CTBP2: variants seen among roughly 807,000 people sequenced by gnomAD.
The protein encoded by CTBP2 is C-terminal-binding protein 2.
CTBP2 carries 30 observed loss-of-function variants against 80.3 expected under a neutral mutation model. That is an observed-to-expected ratio of 0.37 (90% CI 0.28 to 0.51). CTBP2 has a LOEUF of 0.51. Among genes scored for constraint, CTBP2 ranks in the 20% least tolerant of loss-of-function variants. The pLI, the probability that CTBP2 is intolerant of heterozygous loss-of-function variation, is 0.93. For synonymous variants in CTBP2, 594 were observed against 587.4 expected (o/e 1.01, Z -0.16); for missense variants, 1,212 against 1,375.3 (o/e 0.88, Z 1.88).
chr10:125,021,355 C>A (rs1957020393), intron 1 of CTBP2, among the ~76,000 whole-genome samples: 1 of 152,194 alleles, frequency 6.6e-6, no homozygotes, highest in African/African-American at 2.4e-5. Context: ...CTTGCCCAAA[C>A]ACAAAGCAGG....
intron 2 of CTBP2, among the ~76,000 whole-genome samples, chr10:125,093,782 C>A (rs541501087): frequency 6.6e-6 from 1 of 152,186 alleles, no homozygotes; most frequent in African/African-American, 2.4e-5. Flanking sequence ...ACAGAACGCG[C>A]GCAACCGTGG....
chr10:125,147,442 T>C (rs1210007843), intron 1 of CTBP2, among the ~76,000 whole-genome samples: 1 of 152,186 alleles, frequency 6.6e-6, no homozygotes, highest in African/African-American at 2.4e-5. Context: ...TAATACGTAG[T>C]AACATCCCAC....
intron 2 of CTBP2, among the ~76,000 whole-genome samples, chr10:125,109,900 G>C (rs1215687658): frequency 6.6e-6 from 1 of 152,252 alleles, no homozygotes; most frequent in African/African-American, 2.4e-5. Flanking sequence ...GTCTGGGTCA[G>C]CTACCTCAGT....
intron 1 of CTBP2, among the ~76,000 whole-genome samples, chr10:125,023,675 A>G (rs1464158725): frequency 2.6e-5 from 4 of 152,218 alleles, no homozygotes; most frequent in Admixed American, 2.6e-4. Flanking sequence ...GTCACTCTGG[A>G]CTGCTTGGCC....
rs375200774 is a variant in CTBP2, at chr10:124,993,337, A to G, written c.2532-8T>C. ...AACGGACCCTGAGCAAAGCTAGAAA[A>G]ATGTAGAAAAAACAGAGTAAGCGGG... On this transcript the variant is annotated splice_polypyrimidine_tract_variant and splice_region_variant and intron_variant, in intron 6 of 8. Coordinates refer to ENST00000309035, the MANE Select transcript of CTBP2 (RefSeq NM_022802.3). The G allele has an allele frequency of 6.2e-7, 1 of 1,605,178 alleles. No homozygotes were observed. The highest frequency in any genetic ancestry group is 8.5e-7 in the Non-Finnish European group (1 of 1,172,732).
intron 2 of CTBP2, among the ~76,000 whole-genome samples, chr10:125,075,200 A>G (rs1846099219): frequency 6.6e-6 from 1 of 152,214 alleles, no homozygotes; most frequent in African/African-American, 2.4e-5. Flanking sequence ...AAAATATGCA[A>G]CAATGGTCTT....
At chr10:125,125,066 G>A (rs1415127509) in intron 1 of CTBP2, among the ~76,000 whole-genome samples, 1 of 152,120 alleles carries the variant, frequency 6.6e-6, no homozygotes, top group South Asian at 2.1e-4. Flanking sequence ...GTAGCCACAG[G>A]GCTCAACACC....
intron 2 of CTBP2, among the ~76,000 whole-genome samples, chr10:125,060,095 C>T (rs1274096149): frequency 1.3e-5 from 2 of 152,216 alleles, no homozygotes; most frequent in African/African-American, 4.8e-5. Context: ...CCGTCTATCC[C>T]AGTCACTCTT....
At chr10:125,097,362 G>A (rs1849689677) in intron 2 of CTBP2, among the ~76,000 whole-genome samples, 1 of 152,180 alleles carries the variant, frequency 6.6e-6, no homozygotes, top group Admixed American at 6.5e-5. Flanking sequence ...GGGAGAAAAG[G>A]AGAAAGCAGC....
intron 3 of CTBP2, among the ~76,000 whole-genome samples, chr10:125,036,101 G>A (rs12255887): frequency 0.094 from 14,361 of 152,188 alleles, 749 homozygotes; most frequent in South Asian, 0.17. Flanking sequence ...CCTGCTCTCC[G>A]AGTAGAGACA....
At chr10:125,003,643 C>T in intron 1 of CTBP2, 151 bp from the exon 4 acceptor site, 1 of 574,150 alleles carries the variant, frequency 1.7e-6, no homozygotes, top group South Asian at 2.7e-5. Context: ...GCATCACCTT[C>T]CAGGGAGCCA....
At position 125,066,696 on chromosome 10, in the gene CTBP2, G is replaced by A. The variant is rs1410777969; in HGVS notation, c.-101-27541C>T. Among the ~76,000 whole-genome samples, 1 of 152,186 alleles carries A rather than the reference G, an allele frequency of 6.6e-6. No individual in the cohort carries two copies. The highest frequency in any genetic ancestry group is 1.5e-5 in the Non-Finnish European group (1 of 68,032). ...CAGTCCTGCCACTGACTCGTGAGCT[G>A]TGTGACTCTGGGTACATCACCTGAG... On this transcript the variant is annotated intron_variant, in intron 2 of 10. Coordinates refer to the CTBP2 transcript ENST00000337195. The surrounding 1 kb of genome is among the most constrained non-coding windows in gnomAD (Gnocchi z 4.1).
At chr10:125,042,594 T>G (rs1264779785) in intron 2 of CTBP2, among the ~76,000 whole-genome samples, 2 of 152,158 alleles carry the variant, frequency 1.3e-5, no homozygotes, top group Non-Finnish European at 2.9e-5. Context: ...TGAGCTTGGA[T>G]GAGCTGTTCT....
intron 2 of CTBP2, among the ~76,000 whole-genome samples, chr10:125,102,715 C>T (rs947101720): frequency 2.4e-4 from 37 of 152,116 alleles, no homozygotes; most frequent in African/African-American, 8.5e-4. Flanking sequence ...GGACTGGGGC[C>T]GTCAGTTACA....
intron 1 of CTBP2, among the ~76,000 whole-genome samples, chr10:125,139,672 C>CAGTCTCAACTCAAT (rs2133245332): frequency 6.6e-6 from 1 of 152,286 alleles, no homozygotes; most frequent in African/African-American, 2.4e-5. Context: ...ACTCACTTCC[C>CAGTCTCAACTCAAT]TCCAAGTCAG....
At chr10:125,093,253 G>A (rs1002454442) in intron 2 of CTBP2, among the ~76,000 whole-genome samples, 2 of 152,234 alleles carry the variant, frequency 1.3e-5, no homozygotes, top group Admixed American at 1.3e-4. Context: ...CAATCTGAGG[G>A]TGGGGACATC....
intron 2 of CTBP2, among the ~76,000 whole-genome samples, chr10:125,041,865 C>T (rs1343917196): frequency 6.6e-6 from 1 of 151,418 alleles, no homozygotes; most frequent in South Asian, 2.1e-4. Context: ...TAAGTAGAAT[C>T]TCAATCATGC....
chr10:125,016,269 G>A (rs969506894), intron 1 of CTBP2, among the ~76,000 whole-genome samples: 1 of 150,884 alleles, frequency 6.6e-6, no homozygotes, highest in Admixed American at 6.6e-5. Context: ...GCAGCGAGCC[G>A]AGTGCCACTG....
intron 1 of CTBP2, among the ~76,000 whole-genome samples, chr10:125,114,723 C>T (rs1015283764): frequency 1.3e-5 from 2 of 152,116 alleles, no homozygotes; most frequent in Non-Finnish European, 2.9e-5. Context: ...ACTGGGCCTG[C>T]CTTCACTTGA....
Sources: allele counts gnomAD v4.1 joint callset (sites outside exome capture counted in the v4.1 genomes callset), GRCh38; gene constraint gnomAD v4.1.1; non-coding constraint Gnocchi (gnomAD v3.1); transcripts MANE v1.5; gene names NCBI Gene and HGNC (gene_info 2026-07-23, HGNC 2026-07-21).